TRPC7: variants seen among roughly 807,000 people sequenced by gnomAD.
TRPC7 encodes the protein short transient receptor potential channel 7.
Under a neutral mutation model 90.1 loss-of-function variants are expected in TRPC7, and 42 were observed. The observed-to-expected ratio is 0.47, with a 90% CI of 0.36 to 0.60. The LOEUF (loss-of-function observed/expected upper bound fraction) is 0.60, where lower values mean the gene tolerates loss of function less well. TRPC7 is among the 20% of genes least tolerant of loss of function. The pLI is 0.00. For synonymous variants in TRPC7, 451 were observed against 436.3 expected (o/e 1.03, Z -0.42); for missense variants, 955 against 1,112.3 (o/e 0.86, Z 2.01).
intron 4 of TRPC7, among the ~76,000 whole-genome samples, chr5:136,269,481 C>A (rs1312203115): frequency 6.6e-6 from 1 of 152,202 alleles, no homozygotes; most frequent in Non-Finnish European, 1.5e-5. Flanking sequence ...ATGTGTGAGT[C>A]CCCACATCCC....
rs968598364 is a variant in TRPC7, at chr5:136,226,286, T to C, written c.2041-31A>G. On this transcript the variant is annotated intron_variant, in intron 8 of 11. Coordinates refer to ENST00000513104, the MANE Select transcript of TRPC7 (RefSeq NM_020389.3). The stretch of plus-strand genomic sequence containing the variant: ...GAACAAGGGAAACAACAACACACCC[T>C]CAAAGGCCACGATTTAACAACGGAG... The C allele has an allele frequency of 3.3e-6, 5 of 1,507,326 alleles. No homozygotes were observed. The African/African-American group carries it at 4.2e-5, about 13-fold the overall frequency. The allele number at this position is 1,507,326 out of a possible 1,614,324, so 93.4% of individuals were successfully genotyped here. A position where few individuals can be genotyped will look rare whatever the true frequency, so the allele number is the denominator to read the frequency against.
At chr5:136,289,861 C>T (rs1031343426) in intron 3 of TRPC7, among the ~76,000 whole-genome samples, 2 of 152,226 alleles carry the variant, frequency 1.3e-5, no homozygotes, top group South Asian at 2.1e-4. Flanking sequence ...GGGTCCCTAA[C>T]CCCCGAGTAG....
intron 7 of TRPC7, 25 bp from the exon 8 acceptor site, chr5:136,231,574 T>C (rs774645264): frequency 5.8e-6 from 9 of 1,562,652 alleles, no homozygotes; most frequent in South Asian, 1.2e-5. Flanking sequence ...ACGGTCCTTT[T>C]ACGCAGTTTG....
chr5:136,354,927 A>G (rs1273987412), intron 2 of TRPC7, among the ~76,000 whole-genome samples: 3 of 152,152 alleles, frequency 2.0e-5, no homozygotes, highest in African/African-American at 7.2e-5. Flanking sequence ...TTAAGGCCCA[A>G]CCCAATTACA....
intron 3 of TRPC7, among the ~76,000 whole-genome samples, chr5:136,302,281 C>T (rs868616573): frequency 3.3e-5 from 5 of 152,150 alleles, no homozygotes; most frequent in South Asian, 2.1e-4. Flanking sequence ...TCACCCTTAG[C>T]GGCAAGTCCC....
intron 4 of TRPC7, 148 bp downstream of exon 4, chr5:136,274,525 G>T (rs1757300122): frequency 2.4e-6 from 2 of 833,030 alleles, no homozygotes; most frequent in East Asian, 3.3e-5. Flanking sequence ...CCTTTTATGT[G>T]GTTTCCTACT....
chr5:136,239,458 C>A (rs1756087796), intron 7 of TRPC7, among the ~76,000 whole-genome samples: 1 of 152,220 alleles, frequency 6.6e-6, no homozygotes, highest in Non-Finnish European at 1.5e-5. Context: ...TAGGCTGATG[C>A]CATTCCTTGT....
At chr5:136,277,183 CTG>C (rs1475144829) in intron 3 of TRPC7, among the ~76,000 whole-genome samples, 1 of 152,230 alleles carries the variant, frequency 6.6e-6, no homozygotes, top group African/African-American at 2.4e-5. Context: ...AGCAGAAGCT[CTG>C]AGAGAGAACA....
chr5:136,343,148 G>T (rs1237037477), intron 2 of TRPC7, among the ~76,000 whole-genome samples: 1 of 151,782 alleles, frequency 6.6e-6, no homozygotes, highest in African/African-American at 2.4e-5. Flanking sequence ...GAAAGTAATA[G>T]AAGAAAAAAA....
At chr5:136,245,838 A>G (rs1281965017) in intron 7 of TRPC7, among the ~76,000 whole-genome samples, 1 of 152,200 alleles carries the variant, frequency 6.6e-6, no homozygotes, top group African/African-American at 2.4e-5. Flanking sequence ...ATAAGGTGGG[A>G]AACCTTATTT....
chr5:136,286,505 G>C (rs11957511), intron 3 of TRPC7, among the ~76,000 whole-genome samples: 13,171 of 152,208 alleles, frequency 0.087, 728 homozygotes, highest in Non-Finnish European at 0.13. Context: ...TGCAGGGAGA[G>C]AGACCAAATA....
chr5:136,223,939 G>GC (rs1755544500), intron 10 of TRPC7, among the ~76,000 whole-genome samples: 1 of 152,166 alleles, frequency 6.6e-6, no homozygotes, highest in African/African-American at 2.4e-5. Context: ...CACAAGATTT[G>GC]CCCATTGCTA....
intron 2 of TRPC7, among the ~76,000 whole-genome samples, chr5:136,353,081 C>T (rs932234465): frequency 4.6e-5 from 7 of 152,138 alleles, no homozygotes; most frequent in African/African-American, 1.7e-4. Flanking sequence ...GCCCCAGTGA[C>T]CACATCAAGT....
At chr5:136,225,216 G>A (rs890760102) in intron 10 of TRPC7, 58 bp downstream of exon 10, 17 of 1,463,642 alleles carry the variant, frequency 1.2e-5, no homozygotes, top group Non-Finnish European at 1.6e-5. Flanking sequence ...GACTAAATCT[G>A]TGTCTTAGTG....
At chr5:136,238,315 C>G (rs141390060) in intron 7 of TRPC7, among the ~76,000 whole-genome samples, 4 of 152,302 alleles carry the variant, frequency 2.6e-5, no homozygotes, top group African/African-American at 9.6e-5. Flanking sequence ...TCCATGCTGA[C>G]AGGGCCTGCT....
At chr5:136,335,917 A>G in intron 2 of TRPC7, among the ~76,000 whole-genome samples, 1 of 149,946 alleles carries the variant, frequency 6.7e-6, no homozygotes, top group Non-Finnish European at 1.5e-5. Context: ...AAAAAAAAAA[A>G]AAAAAAAAAA....
chr5:136,240,062 C>T (rs1052552507), intron 7 of TRPC7, among the ~76,000 whole-genome samples: 5 of 152,220 alleles, frequency 3.3e-5, no homozygotes, highest in African/African-American at 1.2e-4. Context: ...CTCTAACACT[C>T]TATCAGGACT....
At chr5:136,301,250 C>T (rs1227535576) in intron 3 of TRPC7, among the ~76,000 whole-genome samples, 3 of 151,486 alleles carry the variant, frequency 2.0e-5, no homozygotes, top group Non-Finnish European at 4.4e-5. Context: ...TGCTCTCAAA[C>T]TCCTGACGTC....
intron 3 of TRPC7, among the ~76,000 whole-genome samples, chr5:136,288,242 T>G (rs981601465): frequency 7.2e-5 from 11 of 152,078 alleles, no homozygotes; most frequent in African/African-American, 2.7e-4. Context: ...ATGTGAGATA[T>G]CTTACCAGCA....
Sources: gnomAD v4.1 joint callset for allele counts (sites outside exome capture counted in the v4.1 genomes callset) on GRCh38, gnomAD v4.1.1 for gene constraint, MANE v1.5 for transcripts, NCBI Gene and HGNC (gene_info 2026-07-23, HGNC 2026-07-21) for gene names.